Variants in CCDC34 observed in about 807,000 individuals in gnomAD.
The protein encoded by CCDC34 is coiled-coil domain-containing protein 34.
CCDC34 carries 40 observed loss-of-function variants against 44.1 expected under a neutral mutation model. That is an observed-to-expected ratio of 0.91 (90% CI 0.70 to 1.18). The LOEUF (loss-of-function observed/expected upper bound fraction) is 1.18, where lower values mean the gene tolerates loss of function less well. Ranked by LOEUF, CCDC34 falls within the 50% of genes most tolerant of loss-of-function variation. CCDC34 has a pLI of 0.00. For synonymous variants in CCDC34, 159 were observed against 158.2 expected (o/e 1.01, Z -0.04); for missense variants, 466 against 452.3 (o/e 1.03, Z -0.28).
At position 27,338,616 on chromosome 11, in the gene CCDC34, A is replaced by T. The variant is rs1410590655; in HGVS notation, c.*205T>A. 2 of 519,308 alleles carry T rather than the reference A, an allele frequency of 3.9e-6. No homozygotes were observed. The highest frequency in any genetic ancestry group is 6.9e-5 in the East Asian group (2 of 29,094). 32.2% of individuals were successfully genotyped at this position (519,308 alleles called of 1,614,324 possible). A position where few individuals can be genotyped will look rare whatever the true frequency, so the allele number is the denominator to read the frequency against. ...TCAGCCACTTATTCTGCAAAACAAC[A>T]TGCCAAGATCAACCTTAAAAAGTTT... On this transcript the variant is annotated 3_prime_UTR_variant, in exon 6 of 6. Coordinates refer to ENST00000328697, the MANE Select transcript of CCDC34 (RefSeq NM_030771.2).
In CCDC34 at chr11:27,338,987, A is replaced by G. The variant is rs1041087749; in HGVS notation, c.956T>C (p.Ile319Thr). 6.2e-7 allele frequency: 1 copy of G among 1,613,502 alleles called. No homozygotes were observed. Among genetic ancestry groups the G allele is most frequent in the Non-Finnish European group, 8.5e-7 (1 of 1,179,836 alleles). Residue 319 changes from isoleucine to threonine, a missense_variant, in exon 6 of 6, where the codon ATT (isoleucine) becomes ACT (threonine). Transcript: ENST00000328697. ...TGGCATATGAATTGGTTTCCACGGA[A>G]TTGGATTATAAAAGGCTGGTTCTGG... ...SYPEPAFYNP[I>T]PWKPIHMPPP... is the part of the protein sequence containing the mutation.
chr11:27,346,400 A>G (rs923511788), intron 3 of CCDC34, among the ~76,000 whole-genome samples: 28 of 150,642 alleles, frequency 1.9e-4, no homozygotes, highest in Non-Finnish European at 3.3e-4. Context: ...GACTCAAAAA[A>G]AAAGAGACAG....
At chr11:27,350,278 A>T (rs1373432115) in intron 3 of CCDC34, 54 bp downstream of exon 3, 1 of 1,612,302 alleles carries the variant, frequency 6.2e-7, no homozygotes, top group Admixed American at 1.7e-5. Flanking sequence ...TATAATAGGA[A>T]GAAATATTTT....
intron 1 of CCDC34, among the ~76,000 whole-genome samples, chr11:27,361,024 T>C (rs1862656052): frequency 6.6e-6 from 1 of 152,252 alleles, no homozygotes; most frequent in Non-Finnish European, 1.5e-5. Context: ...AATCACTGCA[T>C]GTATCTGTTC....
chr11:27,363,133 T>A lies in CCDC34; in HGVS notation c.62A>T (p.Asp21Val). Residue 21 changes from aspartate (D) to valine (V), a missense_variant, in exon 1 of 6, where the codon GAC becomes GTC. Transcript: ENST00000328697. ...GGAGGGCCGAGACCTGGGTCTGCAG[T>A]CAGCAGAGAAACCGGCGTAGGAAGA... ...FPSSYAGFSA[D>V]CRPRSRPSSD... is the part of the protein sequence containing the mutation. 1 of 1,543,964 alleles carries A rather than the reference T, an allele frequency of 6.5e-7. No individual in the cohort carries two copies. The highest frequency in any genetic ancestry group is 1.2e-5 in the South Asian group (1 of 81,160).
chr11:27,348,627 AGATACAGCTAAAATGTGAAT>A (rs1320957577), intron 3 of CCDC34, among the ~76,000 whole-genome samples: 1 of 152,202 alleles, frequency 6.6e-6, no homozygotes. Flanking sequence ...TAGCAGCCAC[AGATACAGCTAAAATGTGAAT>A]GAAGCTGGAG....
At chr11:27,358,258 G>A (rs376625737) in intron 1 of CCDC34, among the ~76,000 whole-genome samples, 1 of 152,146 alleles carries the variant, frequency 6.6e-6, no homozygotes, top group Non-Finnish European at 1.5e-5. Context: ...AGGGTAAAGA[G>A]AAGAGGGGCA....
intron 5 of CCDC34, among the ~76,000 whole-genome samples, chr11:27,340,097 G>C (rs1377561706): frequency 2.0e-5 from 3 of 151,762 alleles, no homozygotes. Flanking sequence ...TCAAAACAAA[G>C]TCTGGAATAT....
chr11:27,353,776 CAG>C (rs1162168278), intron 2 of CCDC34, among the ~76,000 whole-genome samples: 3 of 151,976 alleles, frequency 2.0e-5, no homozygotes, highest in Admixed American at 2.0e-4. Context: ...ATACGAAAGC[CAG>C]AGTTCATTAA....
At chr11:27,357,315 G>T in intron 2 of CCDC34, 88 bp downstream of exon 2, 1 of 1,302,468 alleles carries the variant, frequency 7.7e-7, no homozygotes, top group Non-Finnish European at 1.0e-6. Flanking sequence ...TTGTTTTCAG[G>T]AATAATAACA....
intron 2 of CCDC34, among the ~76,000 whole-genome samples, chr11:27,352,365 A>G (rs1355881721): frequency 6.6e-6 from 1 of 151,682 alleles, no homozygotes; most frequent in Non-Finnish European, 1.5e-5. Flanking sequence ...CCTGGGTGAC[A>G]AAGTGAGACT....
intron 1 of CCDC34, among the ~76,000 whole-genome samples, chr11:27,362,403 C>T (rs556824530): frequency 1.3e-5 from 2 of 152,322 alleles, no homozygotes; most frequent in Admixed American, 1.3e-4. Flanking sequence ...TTACTACAAC[C>T]TACTTCACTA....
intron 2 of CCDC34, among the ~76,000 whole-genome samples, chr11:27,351,852 G>A (rs1342148077): frequency 6.6e-6 from 1 of 152,198 alleles, no homozygotes. Flanking sequence ...TTCGAAAGGA[G>A]AGAGATTGGG....
intron 1 of CCDC34, 52 bp downstream of exon 1, chr11:27,362,784 G>A (rs370532900): frequency 2.9e-4 from 460 of 1,580,346 alleles, no homozygotes; most frequent in Non-Finnish European, 3.8e-4. Context: ...TACTTAAGAG[G>A]GTCTAAGGAA....
intron 1 of CCDC34, among the ~76,000 whole-genome samples, chr11:27,361,986 T>C (rs1862670846): frequency 6.6e-6 from 1 of 152,206 alleles, no homozygotes; most frequent in African/African-American, 2.4e-5. Context: ...ATACTAGGCA[T>C]GCAGTTTAGG....
intron 3 of CCDC34, among the ~76,000 whole-genome samples, chr11:27,348,216 C>G (rs763812939): frequency 1.3e-5 from 2 of 152,182 alleles, no homozygotes; most frequent in African/African-American, 2.4e-5. Context: ...AATAGTGCCT[C>G]GCACACAGTA....
intron 2 of CCDC34, 55 bp from the exon 3 acceptor site, chr11:27,350,494 T>A: frequency 6.7e-7 from 1 of 1,482,268 alleles, no homozygotes; most frequent in South Asian, 1.3e-5. Flanking sequence ...CCAAATAACA[T>A]ACATTTTAAA....
rs147273317 is a variant in CCDC34, at chr11:27,339,162, C to A, written c.908-127G>T. 7.6e-6 allele frequency: 5 copies of A among 660,310 alleles called. No individual in the cohort carries two copies. The East Asian group carries it at 1.1e-4, about 15-fold the overall frequency. The allele number at this position is 660,310 out of a possible 1,614,324, so 40.9% of individuals were successfully genotyped here. A position where few individuals can be genotyped will look rare whatever the true frequency, so the allele number is the denominator to read the frequency against. On this transcript the variant is annotated intron_variant, in intron 5 of 5. Coordinates refer to ENST00000328697, the MANE Select transcript of CCDC34 (RefSeq NM_030771.2). ...AATTATCACTAATAAGCCAATGTGA[C>A]TTATTTGAAACTTAAACTCCTTGAT...
intron 2 of CCDC34, among the ~76,000 whole-genome samples, chr11:27,351,213 A>T (rs943843657): frequency 2.6e-5 from 4 of 152,202 alleles, no homozygotes; most frequent in Non-Finnish European, 4.4e-5. Flanking sequence ...CTCCGTCTTT[A>T]GATACTAATA....
Sources: allele counts gnomAD v4.1 joint callset (sites outside exome capture counted in the v4.1 genomes callset), GRCh38; gene constraint gnomAD v4.1.1; transcripts MANE v1.5; gene names NCBI Gene and HGNC (gene_info 2026-07-23, HGNC 2026-07-21).